Variants in IHO1 observed in about 807,000 individuals in gnomAD.
IHO1 encodes interactor of HORMAD1 1, also known as interactor of HORMAD1 protein 1.
Under a neutral mutation model 31.0 loss-of-function variants are expected in IHO1, and 13 were observed. The ratio of observed to expected loss-of-function variants is 0.42; its 90% CI spans 0.27 to 0.67. The LOEUF is 0.67. Among genes scored for constraint, IHO1 ranks in the 30% least tolerant of loss-of-function variants. IHO1 has a pLI of 0.24. For missense variants in IHO1, 599 were observed against 687.5 expected, an observed-to-expected ratio of 0.87 and a Z score of 1.44; for synonymous variants, 221 against 248.4, an observed-to-expected ratio of 0.89 and a Z score of 1.04.
chr3:49,196,020 G>A (rs940239008), upstream of IHO1, among the ~76,000 whole-genome samples: 4 of 151,108 alleles, frequency 2.6e-5, no homozygotes, highest in Non-Finnish European at 5.9e-5. Flanking sequence ...CGGATCACAA[G>A]GTCAGCAGAT....
intron 5 of IHO1, 35 bp from the exon 6 acceptor site, chr3:49,244,611 G>A: frequency 1.3e-6 from 2 of 1,572,336 alleles, no homozygotes; most frequent in African/African-American, 2.7e-5. Flanking sequence ...TAAGGCAATA[G>A]CCTGTGAATT....
intron 2 of IHO1, among the ~76,000 whole-genome samples, chr3:49,231,160 G>T (rs2046477637): frequency 6.6e-6 from 1 of 152,152 alleles, no homozygotes; most frequent in East Asian, 1.9e-4. Flanking sequence ...TAGGAAATGG[G>T]AGAACTTGGA....
At chr3:49,192,421 G>A in the IHO1 span, among the ~76,000 whole-genome samples, 1 of 152,180 alleles carries the variant, frequency 6.6e-6, no homozygotes, top group Non-Finnish European at 1.5e-5. Flanking sequence ...ATTTGTAAAA[G>A]AGGGACTTGA....
At chr3:49,197,889 A>G (rs1457927612), upstream of IHO1, among the ~76,000 whole-genome samples, 1 of 152,108 alleles carries the variant, frequency 6.6e-6, no homozygotes, top group African/African-American at 2.4e-5. Context: ...TCAAAAAAAA[A>G]AAAAAAGAAG....
intron 2 of IHO1, among the ~76,000 whole-genome samples, chr3:49,228,138 G>A (rs1434805336): frequency 1.3e-5 from 2 of 152,186 alleles, no homozygotes; most frequent in Admixed American, 6.5e-5. Context: ...GCAAGTGTCA[G>A]GATAGATAGG....
At chr3:49,192,057 C>T in the IHO1 span, among the ~76,000 whole-genome samples, 5 of 152,254 alleles carry the variant, frequency 3.3e-5, no homozygotes, top group Admixed American at 6.5e-5. Context: ...CTAATGGATT[C>T]GCAGCCAATG....
chr3:49,241,188 T>G, intron 3 of IHO1, 38 bp from the exon 4 acceptor site: 1 of 1,518,408 alleles, frequency 6.6e-7, no homozygotes, highest in Non-Finnish European at 8.9e-7. Flanking sequence ...ATAAATATTT[T>G]TATGTGTGAA....
At chr3:49,195,201 C>T (rs1434484159), upstream of IHO1, among the ~76,000 whole-genome samples, 3 of 147,654 alleles carry the variant, frequency 2.0e-5, no homozygotes, top group African/African-American at 7.5e-5. Flanking sequence ...GGGCAGATCA[C>T]CTGAGGTCAG....
intron 1 of IHO1, among the ~76,000 whole-genome samples, chr3:49,201,345 T>A (rs973670725): frequency 6.6e-6 from 1 of 151,780 alleles, no homozygotes; most frequent in Admixed American, 6.6e-5. Flanking sequence ...CGGTGGCTCA[T>A]GCCTATAATC....
At chr3:49,200,210 C>T (rs1363911147) in intron 1 of IHO1, among the ~76,000 whole-genome samples, 2 of 152,048 alleles carry the variant, frequency 1.3e-5, no homozygotes, top group Non-Finnish European at 2.9e-5. Flanking sequence ...TGCGGTGGCT[C>T]ACGCCACACT....
intron 2 of IHO1, among the ~76,000 whole-genome samples, chr3:49,212,064 T>C (rs536216736): frequency 2.2e-4 from 32 of 148,412 alleles, no homozygotes; most frequent in African/African-American, 8.0e-4. Context: ...CTCAGGAGGC[T>C]GAGGTAGGAG....
chr3:49,218,145 C>T (rs988593665), intron 2 of IHO1, among the ~76,000 whole-genome samples: 2 of 152,094 alleles, frequency 1.3e-5, no homozygotes, highest in African/African-American at 4.8e-5. Context: ...TGAGCAGCTG[C>T]GCAGCTGGCT....
At chr3:49,231,116 C>T (rs2107712120) in intron 2 of IHO1, among the ~76,000 whole-genome samples, 1 of 152,346 alleles carries the variant, frequency 6.6e-6, no homozygotes, top group Middle Eastern at 3.4e-3. Context: ...TTCACAGACT[C>T]TAACTTCTTA....
chr3:49,191,513 A>G, the IHO1 span, among the ~76,000 whole-genome samples: 110,849 of 152,028 alleles, frequency 0.73, 40,986 homozygotes, highest in East Asian at 0.99. Flanking sequence ...AGGACTAGGA[A>G]TTTCCACTGG....
At chr3:49,242,143 A>T (rs2046639659) in intron 4 of IHO1, among the ~76,000 whole-genome samples, 1 of 151,944 alleles carries the variant, frequency 6.6e-6, no homozygotes. Context: ...GGGGTTCGCC[A>T]TGTTGGCCAG....
intron 2 of IHO1, among the ~76,000 whole-genome samples, chr3:49,235,754 AC>A (rs969351797): frequency 6.6e-5 from 10 of 150,420 alleles, no homozygotes; most frequent in Non-Finnish European, 1.5e-5. Flanking sequence ...ACATGGTGAA[AC>A]CCCATCTCTA....
chr3:49,256,751 G>T lies in IHO1; in HGVS notation c.1254G>T (p.Leu418Phe). 6.2e-7 allele frequency: 1 copy of T among 1,614,230 alleles called. No homozygotes were observed. Among genetic ancestry groups the T allele is most frequent in the Non-Finnish European group, 8.5e-7 (1 of 1,180,040 alleles). The change falls in exon 8 of 8, where the codon TTG becomes TTT. Residue 418 changes from leucine (L) to phenylalanine (F), a missense_variant. By Grantham distance (22) the Leu-to-Phe change is conservative. Transcript: ENST00000452691. The surrounding 1 kb of genome is among the most constrained non-coding windows in gnomAD (Gnocchi z 4.6). Reference sequence around the variant, plus strand: ...AATATCAAGCCCAAAGTATGTTTTTGTGTGACCCACGTGAACATTTGGTGA... The same window carrying T: ...AATATCAAGCCCAAAGTATGTTTTTTTGTGACCCACGTGAACATTTGGTGA... Reference protein sequence around the residue: ...CQKYQAQSMFLCDPREHLVIK... With the variant: ...CQKYQAQSMFFCDPREHLVIK...
At chr3:49,245,605 G>C (rs1323257104) in intron 6 of IHO1, 1 of 152,202 alleles carries the variant, frequency 6.6e-6, no homozygotes, top group East Asian at 1.9e-4. Context: ...TAAATATACA[G>C]TTCTCCTTGG....
At chr3:49,216,067 G>A (rs991065728) in intron 2 of IHO1, among the ~76,000 whole-genome samples, 1 of 152,008 alleles carries the variant, frequency 6.6e-6, no homozygotes, top group Admixed American at 6.6e-5. Flanking sequence ...GGCTTCTTTG[G>A]CTCACAATAT....
Sources: gnomAD v4.1 joint callset for allele counts (sites outside exome capture counted in the v4.1 genomes callset) on GRCh38, gnomAD v4.1.1 for gene constraint, Gnocchi (gnomAD v3.1) non-coding constraint, MANE v1.5 for transcripts, NCBI Gene and HGNC (gene_info 2026-07-23, HGNC 2026-07-21) for gene names.